The following TECRL variants were observed in gnomAD, a reference collection of about 807,000 sequenced individuals.
TECRL encodes the protein trans-2,3-enoyl-CoA reductase like.
TECRL carries 63 observed loss-of-function variants against 52.8 expected under a neutral mutation model. The ratio of observed to expected loss-of-function variants is 1.19; its 90% CI spans 0.97 to 1.47. The LOEUF is 1.47. Among genes scored for constraint, TECRL ranks in the 40% most tolerant of loss-of-function variants. The probability of loss-of-function intolerance (pLI) is 0.00; values close to 1 mark genes in which losing one functional copy is unlikely to be tolerated. For missense variants in TECRL, 482 were observed against 429.6 expected, an observed-to-expected ratio of 1.12 and a Z score of -1.08; for synonymous variants, 164 against 141.9, an observed-to-expected ratio of 1.16 and a Z score of -1.10.
chr4:64,280,633 T>C (rs1160606357), intron 11 of TECRL, among the ~76,000 whole-genome samples: 1 of 152,178 alleles, frequency 6.6e-6, no homozygotes, highest in Non-Finnish European at 1.5e-5. Flanking sequence ...ATGGAAATCA[T>C]GCAATTCAAC....
chr4:64,305,289 A>G, intron 6 of TECRL, 51 bp from the exon 7 acceptor site: 1 of 1,508,504 alleles, frequency 6.6e-7, no homozygotes, highest in Non-Finnish European at 9.2e-7. Context: ...TGTAATATAT[A>G]TTTCAATTGT....
intron 2 of TECRL, among the ~76,000 whole-genome samples, chr4:64,364,303 G>A (rs1376921275): frequency 6.6e-6 from 1 of 151,926 alleles, no homozygotes; most frequent in East Asian, 1.9e-4. Context: ...TCTATATTAA[G>A]AAGTTGGTAA....
At chr4:64,373,516 A>G (rs1722126385) in intron 2 of TECRL, among the ~76,000 whole-genome samples, 1 of 151,802 alleles carries the variant, frequency 6.6e-6, no homozygotes, top group Non-Finnish European at 1.5e-5. Flanking sequence ...AAAGTTTAAG[A>G]TTTCAAGTAA....
Position 64,281,085 on chromosome 4 carries a change from A to G in TECRL, c.920T>C (p.Ile307Thr), listed in dbSNP as rs201746214. 8 of 1,599,640 alleles carry G rather than the reference A, an allele frequency of 5.0e-6. No homozygotes were observed. The highest frequency in any genetic ancestry group is 4.0e-5 in the African/African-American group (3 of 74,812). ...LVSCPNYTYE[I>T]GSWISFTVMT... Reference sequence around the variant, plus strand: ...GACTGTGAAACTAATCCATGATCCAATCTGTTATATTAAAACTTAAATTAG... The same window carrying G: ...GACTGTGAAACTAATCCATGATCCAGTCTGTTATATTAAAACTTAAATTAG... The change falls in exon 11 of 12, where the codon ATT becomes ACT. Residue 307 changes from isoleucine to threonine, a missense_variant and splice_region_variant. Ile to Thr is a moderately conservative substitution (Grantham distance 89, BLOSUM62 -1). Coordinates refer to ENST00000381210, the MANE Select transcript of TECRL (RefSeq NM_001010874.5).
At position 64,280,180 on chromosome 4, in the gene TECRL, C is replaced by A. The variant is rs563042010; in HGVS notation, c.984G>T (p.Leu328=). 3 of 1,536,682 alleles carry A rather than the reference C, an allele frequency of 2.0e-6. No individual in the cohort carries two copies. Among genetic ancestry groups the A allele is most frequent in the East Asian group, 2.3e-5 (1 of 42,930 alleles). Residue 328 remains leucine, a synonymous_variant, in exon 12 of 12, where the codon CTG becomes CTT. Transcript: ENST00000381210. The part of the protein sequence containing the change: ...QTLPVGIFTL[L]MSIQMSLWAQ... Reference sequence around the variant, plus strand: ...CCCACAAAGACATCTGGATACTCATCAGAAGTGTAAAAATTCCAACTAGAA... The same window carrying A: ...CCCACAAAGACATCTGGATACTCATAAGAAGTGTAAAAATTCCAACTAGAA...
At chr4:64,359,810 C>T (rs1008707318) in intron 2 of TECRL, among the ~76,000 whole-genome samples, 5 of 151,826 alleles carry the variant, frequency 3.3e-5, no homozygotes, top group Admixed American at 6.6e-5. Flanking sequence ...TATGAGTATC[C>T]GACGACATTA....
At chr4:64,340,694 G>C (rs1264369211) in intron 2 of TECRL, among the ~76,000 whole-genome samples, 1 of 152,216 alleles carries the variant, frequency 6.6e-6, no homozygotes, top group African/African-American at 2.4e-5. Context: ...AAGCAGACAG[G>C]CTCCTGGGCA....
rs748255926 is a variant in TECRL at position 64,281,532 on chromosome 4, T to A, written c.860A>T (p.Asn287Ile). The A allele has an allele frequency of 1.2e-6, 2 of 1,604,694 alleles. No homozygotes were observed. Among genetic ancestry groups the A allele is most frequent in the Non-Finnish European group, 1.7e-6 (2 of 1,174,960 alleles). Residue 287 changes from asparagine (N) to isoleucine (I), a missense_variant, in exon 10 of 12, where the codon AAT (asparagine) becomes ATT (isoleucine). Coordinates refer to ENST00000381210, the MANE Select transcript of TECRL (RefSeq NM_001010874.5). ...TGNNACFPSP[N>I]YNPFTWMFFL... ...AAACATCCATGTGAAGGGGTTATAATTTGGACTTGGGAAACAGGCATTGTT... is the reference window on the plus strand; with the variant it reads ...AAACATCCATGTGAAGGGGTTATAAATTGGACTTGGGAAACAGGCATTGTT...
chr4:64,309,704 G>C (rs1724551853), intron 6 of TECRL, 122 bp downstream of exon 6: 1 of 718,078 alleles, frequency 1.4e-6, no homozygotes, highest in Non-Finnish European at 2.5e-6. Context: ...GAATGTTTAA[G>C]TATGCTTATG....
chr4:64,399,774 A>G (rs1294275257), intron 1 of TECRL, among the ~76,000 whole-genome samples: 1 of 152,168 alleles, frequency 6.6e-6, no homozygotes, highest in Non-Finnish European at 1.5e-5. Flanking sequence ...ACCATTGCCT[A>G]GATTTCAGCG....
chr4:64,312,883 C>T (rs1278277151), intron 5 of TECRL, among the ~76,000 whole-genome samples: 1 of 151,932 alleles, frequency 6.6e-6, no homozygotes, highest in Non-Finnish European at 1.5e-5. Flanking sequence ...AAAAAAAGAA[C>T]GCTTTTAGGT....
intron 7 of TECRL, among the ~76,000 whole-genome samples, chr4:64,301,323 T>G (rs962977654): frequency 6.6e-6 from 1 of 151,162 alleles, no homozygotes; most frequent in Non-Finnish European, 1.5e-5. Flanking sequence ...CTCTTAATGT[T>G]GTACCAATTT....
rs1719934726 is a variant in TECRL at position 64,345,918 on chromosome 4, A to AAAAAAAAAC, written c.287-17363_287-17362insGTTTTTTTT. ...GGGTGCCTCAACAGCAAAAAAAAAA[A>AAAAAAAAAC]AAAAAAAAAAAAACATTTATCATAT... On this transcript the variant is annotated intron_variant, in intron 2 of 11. Transcript: ENST00000381210. Among the ~76,000 whole-genome samples, 2 of 143,990 alleles carry AAAAAAAAAC rather than the reference A, an allele frequency of 1.4e-5. 1 individual carries two copies. The highest frequency in any genetic ancestry group is 3.0e-5 in the Non-Finnish European group (2 of 66,144). 94.5% of individuals were successfully genotyped at this position (143,990 alleles called of 152,430 possible).
intron 1 of TECRL, among the ~76,000 whole-genome samples, chr4:64,385,534 A>T (rs1723117792): frequency 6.6e-6 from 1 of 152,128 alleles, no homozygotes; most frequent in South Asian, 2.1e-4. Context: ...GGTGCTGAAG[A>T]AACATCCGAG....
chr4:64,283,678 G>A (rs1235411377), intron 9 of TECRL, among the ~76,000 whole-genome samples: 4 of 151,988 alleles, frequency 2.6e-5, no homozygotes, highest in African/African-American at 4.8e-5. Flanking sequence ...AAAAAGCTAA[G>A]GAACAGGTCC....
chr4:64,309,445 C>T (rs1488140008), intron 6 of TECRL, among the ~76,000 whole-genome samples: 1 of 152,072 alleles, frequency 6.6e-6, no homozygotes, highest in African/African-American at 2.4e-5. Flanking sequence ...TTGACAACTG[C>T]CATAATAATG....
intron 11 of TECRL, 109 bp from the exon 12 acceptor site, chr4:64,280,308 C>A (rs1401454740): frequency 6.6e-6 from 6 of 911,022 alleles, no homozygotes; most frequent in South Asian, 3.1e-5. Context: ...TCAAATGTTG[C>A]ATAATTTCTT....
At chr4:64,382,963 A>G (rs1162498690) in intron 1 of TECRL, among the ~76,000 whole-genome samples, 1 of 152,082 alleles carries the variant, frequency 6.6e-6, no homozygotes, top group Non-Finnish European at 1.5e-5. Flanking sequence ...CATTTCTTGT[A>G]GGATCAGTCT....
intron 4 of TECRL, among the ~76,000 whole-genome samples, chr4:64,315,774 A>G (rs892985893): frequency 1.3e-5 from 2 of 152,108 alleles, no homozygotes; most frequent in African/African-American, 4.8e-5. Flanking sequence ...TGTGTAATTA[A>G]AAGTTTTATA....
Sources: gnomAD v4.1 joint callset for allele counts (sites outside exome capture counted in the v4.1 genomes callset) on GRCh38, gnomAD v4.1.1 for gene constraint, MANE v1.5 for transcripts, NCBI Gene and HGNC (gene_info 2026-07-23, HGNC 2026-07-21) for gene names.